The following TGFBR2 variants were observed in gnomAD, a reference collection of about 807,000 sequenced individuals.
TGFBR2 encodes the protein TGF-beta receptor type-2.
In TGFBR2, 18 loss-of-function variants were observed where a neutral mutation model predicts 49.0. The observed-to-expected ratio is 0.37, with a 90% CI of 0.25 to 0.54. The LOEUF is 0.54. Ranked by LOEUF, TGFBR2 falls within the 20% of genes least tolerant of loss-of-function variation. The pLI is 0.85. For synonymous variants in TGFBR2, 282 were observed against 275.9 expected (o/e 1.02, Z -0.22); for missense variants, 525 against 722.6 (o/e 0.73, Z 3.13).
At chr3:30,616,157 A>G (rs1553624803) in intron 1 of TGFBR2, among the ~76,000 whole-genome samples, 1 of 152,170 alleles carries the variant, frequency 6.6e-6, no homozygotes, top group Non-Finnish European at 1.5e-5. Context: ...TACAAGCTTC[A>G]GATTCCAAAG....
chr3:30,686,049 T>C (rs1273430286), intron 5 of TGFBR2, among the ~76,000 whole-genome samples: 1 of 152,142 alleles, frequency 6.6e-6, no homozygotes, highest in African/African-American at 2.4e-5. Flanking sequence ...AACATGGAGG[T>C]AGCTCAGTTC....
In TGFBR2 at chr3:30,672,416, T is replaced by A. The variant is rs2125437044; in HGVS notation, c.1233T>A (p.Asp411Glu). The A allele has an allele frequency of 6.2e-7, 1 of 1,614,230 alleles. No homozygotes were observed. Among genetic ancestry groups the A allele is most frequent in the Non-Finnish European group, 8.5e-7 (1 of 1,180,030 alleles). Reference protein sequence around the residue: ...SLRLDPTLSVDDLANSGQVGT... With the variant: ...SLRLDPTLSVEDLANSGQVGT... ...GTCTGGACCCTACTCTGTCTGTGGATGACCTGGCTAACAGTGGGCAGGTAA... is the reference window on the plus strand; with the variant it reads ...GTCTGGACCCTACTCTGTCTGTGGAAGACCTGGCTAACAGTGGGCAGGTAA... The change falls in exon 4 of 7, where the codon GAT becomes GAA. Residue 411 changes from aspartate to glutamate, a missense_variant. By Grantham distance (45) the Asp-to-Glu change is conservative. This residue lies in a region of TGFBR2 where 45 missense variants were observed against 111.0 expected (regional missense o/e 0.41). Transcript: ENST00000295754. The surrounding 1 kb of genome is among the most constrained non-coding windows in gnomAD (Gnocchi z 4.5).
chr3:30,643,972 G>C (rs1394174274), intron 1 of TGFBR2, among the ~76,000 whole-genome samples: 1 of 152,182 alleles, frequency 6.6e-6, no homozygotes, highest in Non-Finnish European at 1.5e-5. Flanking sequence ...TGATGGTGGT[G>C]ATAAGGGAGA....
chr3:30,660,238 T>C (rs1467129229), intron 3 of TGFBR2, among the ~76,000 whole-genome samples: 1 of 152,214 alleles, frequency 6.6e-6, no homozygotes, highest in African/African-American at 2.4e-5. Context: ...ATTAAAATTA[T>C]TCCCATGTCT....
At chr3:30,607,027 G>A (rs1697935862) in intron 1 of TGFBR2, 50 bp downstream of exon 1, 6 of 1,489,998 alleles carry the variant, frequency 4.0e-6, no homozygotes, top group South Asian at 1.2e-5. Context: ...GTCTTCCTGG[G>A]GTCCCCGCCT....
At chr3:30,647,241 C>T (rs58031875) in intron 2 of TGFBR2, among the ~76,000 whole-genome samples, 32,625 of 152,148 alleles carry the variant, frequency 0.21, 4,028 homozygotes, top group East Asian at 0.43. Flanking sequence ...GAAACAAATT[C>T]CTGGTTATTT....
chr3:30,654,316 A>G (rs1575148712), intron 3 of TGFBR2, among the ~76,000 whole-genome samples: 1 of 152,320 alleles, frequency 6.6e-6, no homozygotes, highest in East Asian at 1.9e-4. Context: ...GACTGAGATC[A>G]TGGTTTTTAG....
intron 1 of TGFBR2, among the ~76,000 whole-genome samples, chr3:30,612,878 A>G (rs558387759): frequency 3.3e-5 from 5 of 152,296 alleles, no homozygotes; most frequent in African/African-American, 1.2e-4. Flanking sequence ...CTCACCCATT[A>G]CATCAGGAGT....
At chr3:30,680,687 C>T (rs991783994) in intron 5 of TGFBR2, among the ~76,000 whole-genome samples, 24 of 144,182 alleles carry the variant, frequency 1.7e-4, no homozygotes, top group African/African-American at 4.4e-4. Flanking sequence ...TGAAAGAATA[C>T]AAAAGAAAAA....
At chr3:30,607,838 ATT>A (rs1491322883) in intron 1 of TGFBR2, among the ~76,000 whole-genome samples, 1 of 124,362 alleles carries the variant, frequency 8.0e-6, no homozygotes, top group African/African-American at 4.6e-5. Context: ...TATATATATA[ATT>A]ATATATATAA....
chr3:30,638,009 TG>T (rs1698571087), intron 1 of TGFBR2, among the ~76,000 whole-genome samples: 1 of 152,232 alleles, frequency 6.6e-6, no homozygotes, highest in African/African-American at 2.4e-5. Flanking sequence ...TCTGACTTAT[TG>T]ATCTTTTTCA....
At chr3:30,648,388 C>T (rs1019820413) in intron 2 of TGFBR2, among the ~76,000 whole-genome samples, 2 of 147,464 alleles carry the variant, frequency 1.4e-5, no homozygotes, top group Non-Finnish European at 3.0e-5. Context: ...CACAGCATAC[C>T]TTCGTTTTAT....
At position 30,606,923 on chromosome 3, in the gene TGFBR2, A is replaced by G; in HGVS notation, c.40A>G (p.Ile14Val). Residue 14 changes from isoleucine (I) to valine (V), a missense_variant, in exon 1 of 7, where the codon ATC becomes GTC. Ile to Val is a conservative substitution (Grantham distance 29). Coordinates refer to ENST00000295754, the MANE Select transcript of TGFBR2 (RefSeq NM_003242.6). ...GLLRGLWPLHIVLWTRIASTI... is the reference protein window; with the variant it reads ...GLLRGLWPLHVVLWTRIASTI... ...GCTCAGGGGCCTGTGGCCGCTGCAC[A>G]TCGTCCTGTGGACGCGTATCGCCAG... 1.3e-6 allele frequency: 2 copies of G among 1,599,900 alleles called. No homozygotes were observed.
At position 30,613,131 on chromosome 3, in the gene TGFBR2, C is replaced by CT. The variant is rs5847644; in HGVS notation, c.94+6172dup. On this transcript the variant is annotated intron_variant, in intron 1 of 6. Transcript: ENST00000295754. ...CTGGGAAAGGTCAAGACATGCAGCT[C>CT]TTTTTTTTTTTTTTTTTTCTTCTCT... Among the ~76,000 whole-genome samples, 400 of 129,304 alleles carry CT rather than the reference C, an allele frequency of 3.1e-3. 3 individuals are homozygous for CT. Among genetic ancestry groups the CT allele is most frequent in the African/African-American group, 6.5e-3 (226 of 34,976 alleles). 84.8% of individuals were successfully genotyped at this position (129,304 alleles called of 152,430 possible). A position where few individuals can be genotyped will look rare whatever the true frequency, so the allele number is the denominator to read the frequency against.
intron 2 of TGFBR2, among the ~76,000 whole-genome samples, chr3:30,645,634 C>A (rs905872458): frequency 6.6e-6 from 1 of 151,854 alleles, no homozygotes; most frequent in African/African-American, 2.4e-5. Context: ...TACAGGTGCC[C>A]ACTACCACAC....
At chr3:30,661,557 T>C (rs1699130382) in intron 3 of TGFBR2, 1 of 513,174 alleles carries the variant, frequency 1.9e-6, no homozygotes, top group South Asian at 1.4e-5. Context: ...GACATATAGG[T>C]TCAAACAATC....
At chr3:30,622,047 C>G (rs192895953) in intron 1 of TGFBR2, among the ~76,000 whole-genome samples, 2 of 152,268 alleles carry the variant, frequency 1.3e-5, no homozygotes, top group Admixed American at 1.3e-4. Context: ...TGTCTTTCTT[C>G]AGAGGTACAT....
At chr3:30,620,662 C>G (rs1292040490) in intron 1 of TGFBR2, among the ~76,000 whole-genome samples, 1 of 152,062 alleles carries the variant, frequency 6.6e-6, no homozygotes, top group African/African-American at 2.4e-5. Context: ...TTGCAGAAGG[C>G]TCAATGCATT....
chr3:30,632,980 T>A (rs1317854373), intron 1 of TGFBR2, among the ~76,000 whole-genome samples: 1 of 152,224 alleles, frequency 6.6e-6, no homozygotes, highest in African/African-American at 2.4e-5. Context: ...AGAAACTTAT[T>A]GCTTCCCCAC....
Sources: gnomAD v4.1 joint callset for allele counts (sites outside exome capture counted in the v4.1 genomes callset) on GRCh38, gnomAD v4.1.1 for gene constraint, gnomAD v4.1.1 regional missense constraint, Gnocchi (gnomAD v3.1) non-coding constraint, MANE v1.5 for transcripts, NCBI Gene and HGNC (gene_info 2026-07-23, HGNC 2026-07-21) for gene names.